Variants in KCNQ3 observed in about 807,000 individuals in gnomAD.
KCNQ3 encodes the protein potassium voltage-gated channel subfamily Q member 3, also known as potassium voltage-gated channel subfamily KQT member 3.
A neutral mutation model predicts 92.5 loss-of-function variants in KCNQ3; 30 were observed. The ratio of observed to expected loss-of-function variants is 0.32; its 90% CI spans 0.24 to 0.44. KCNQ3 has a LOEUF of 0.44. KCNQ3 is among the 20% of genes least tolerant of loss of function. The pLI is 1.00. For missense variants in KCNQ3, 913 were observed against 1,140.3 expected (o/e 0.80, Z 2.87); for synonymous variants, 450 against 468.8 (o/e 0.96, Z 0.52).
intron 1 of KCNQ3, among the ~76,000 whole-genome samples, chr8:132,190,615 T>G (rs145756923): frequency 6.6e-6 from 1 of 152,288 alleles, no homozygotes; most frequent in East Asian, 1.9e-4. Context: ...TCATGGGATA[T>G]TGGGGAGTCC....
At position 132,154,193 on chromosome 8, in the gene KCNQ3, G is replaced by GTT. The variant is rs869112851; in HGVS notation, c.1262+9273_1262+9274dup. 2.3e-3 allele frequency among the ~76,000 whole-genome samples: 62 copies of GTT among 27,476 alleles called. 5 individuals carry two copies. The highest frequency in any genetic ancestry group is 7.1e-3 in the East Asian group (6 of 844). 18.0% of individuals were successfully genotyped at this position (27,476 alleles called of 152,430 possible). A position where few individuals can be genotyped will look rare whatever the true frequency, so the allele number is the denominator to read the frequency against. Reference sequence around the variant, plus strand: ...CTGATGTACCATCAAAAGGGTAAAAGTTTTTTTTTTTTTTTTTTTTTTTTT... The same window carrying GTT: ...CTGATGTACCATCAAAAGGGTAAAAGTTTTTTTTTTTTTTTTTTTTTTTTTTT... On this transcript the variant is annotated intron_variant, in intron 9 of 14. Coordinates refer to ENST00000388996, the MANE Select transcript of KCNQ3 (RefSeq NM_004519.4).
intron 1 of KCNQ3, among the ~76,000 whole-genome samples, chr8:132,331,623 C>T (rs1337996442): frequency 6.6e-6 from 1 of 152,146 alleles, no homozygotes. Context: ...TCCTTGTTCT[C>T]TCAAAAAATA....
At chr8:132,428,918 T>C (rs1821177587) in intron 1 of KCNQ3, among the ~76,000 whole-genome samples, 1 of 151,952 alleles carries the variant, frequency 6.6e-6, no homozygotes, top group Admixed American at 6.6e-5. Flanking sequence ...ACATCACGTA[T>C]AATAAAGGTA....
Position 132,129,013 on chromosome 8 carries a change from C to G in KCNQ3, c.*249G>C, listed in dbSNP as rs1824759024. 1.8e-6 allele frequency: 1 copy of G among 562,330 alleles called. No individual in the cohort carries two copies. The highest frequency in any genetic ancestry group is 3.1e-5 in the Admixed American group (1 of 32,642). The allele number at this position is 562,330 out of a possible 1,614,324, so 34.8% of individuals were successfully genotyped here. ...TAAGAACAGCAGATAAATGTGTATCCTAGAAGAGATTAGCGGAACCATTTA... is the reference window on the plus strand; with the variant it reads ...TAAGAACAGCAGATAAATGTGTATCGTAGAAGAGATTAGCGGAACCATTTA... On this transcript the variant is annotated 3_prime_UTR_variant, in exon 15 of 15. Transcript: ENST00000388996. The surrounding 1 kb of genome is among the most constrained non-coding windows in gnomAD (Gnocchi z 5.9).
At chr8:132,164,933 G>A (rs774285930) in intron 8 of KCNQ3, among the ~76,000 whole-genome samples, 4 of 151,984 alleles carry the variant, frequency 2.6e-5, no homozygotes, top group Non-Finnish European at 2.9e-5. Context: ...TCCACTCACC[G>A]GACTTCTGTT....
At position 132,121,314 on chromosome 8, in the gene KCNQ3, G is replaced by A. The variant is rs994433584; in HGVS notation, c.*7948C>T. On this transcript the variant is annotated 3_prime_UTR_variant, in exon 15 of 15. Transcript: ENST00000388996. ...ATAGCCATATCCTATCTGAAGCAAGGCAGAGATCATTTTTCTCTTTAAAAC... is the reference window on the plus strand; with the variant it reads ...ATAGCCATATCCTATCTGAAGCAAGACAGAGATCATTTTTCTCTTTAAAAC... 1 of 152,190 alleles carries A rather than the reference G, an allele frequency of 6.6e-6. No individual in the cohort carries two copies. The highest frequency in any genetic ancestry group is 2.4e-5 in the African/African-American group (1 of 41,452). 9.4% of individuals were successfully genotyped at this position (152,190 alleles called of 1,614,324 possible). A position where few individuals can be genotyped will look rare whatever the true frequency, so the allele number is the denominator to read the frequency against.
At chr8:132,227,059 T>TA (rs1814447530) in intron 1 of KCNQ3, among the ~76,000 whole-genome samples, 4 of 88,412 alleles carry the variant, frequency 4.5e-5, no homozygotes, top group African/African-American at 2.2e-4. Flanking sequence ...CATATCTCAC[T>TA]CTTTTTTTTT....
intron 1 of KCNQ3, among the ~76,000 whole-genome samples, chr8:132,280,444 T>C (rs970001382): frequency 2.0e-5 from 3 of 151,978 alleles, no homozygotes; most frequent in Admixed American, 6.6e-5. Flanking sequence ...AAGAGAGAGA[T>C]AGAGTGGGTG....
chr8:132,135,741 T>C (rs1210095419), intron 12 of KCNQ3, among the ~76,000 whole-genome samples: 1 of 152,076 alleles, frequency 6.6e-6, no homozygotes, highest in African/African-American at 2.4e-5. Context: ...AAGCTCAAAA[T>C]TTGTTCACAC....
At position 132,263,100 on chromosome 8, in the gene KCNQ3, C is replaced by T. The variant is rs578236676; in HGVS notation, c.387-76919G>A. On this transcript the variant is annotated intron_variant, in intron 1 of 14. Coordinates refer to ENST00000388996, the MANE Select transcript of KCNQ3 (RefSeq NM_004519.4). ...ACCACTGCTCTGTAACTGTCTCCCA[C>T]TGAGCGCAATTAAGCTGGCGTCACA... 6.6e-5 allele frequency among the ~76,000 whole-genome samples: 10 copies of T among 152,218 alleles called. 1 individual carries two copies. The South Asian group carries it at 2.1e-3, about 32-fold the overall frequency.
rs1421901125 is a variant in KCNQ3, at chr8:132,186,194, A to T, written c.387-13T>A. On this transcript the variant is annotated splice_polypyrimidine_tract_variant and intron_variant, in intron 1 of 14. Transcript: ENST00000388996. ...GACAATCAGGAACCTAGAGGGGAAGAAAGAAATGGACTAAGGAACCTTTGA... is the reference window on the plus strand; with the variant it reads ...GACAATCAGGAACCTAGAGGGGAAGTAAGAAATGGACTAAGGAACCTTTGA... 1 of 1,592,456 alleles carries T rather than the reference A, an allele frequency of 6.3e-7. No homozygotes were observed. The highest frequency in any genetic ancestry group is 1.7e-5 in the Admixed American group (1 of 59,978).
rs369409969 is a variant in KCNQ3 at position 132,211,342 on chromosome 8, T to C, written c.387-25161A>G. Among the ~76,000 whole-genome samples the C allele has an allele frequency of 7.7e-4, 118 of 152,356 alleles. 1 individual carries two copies. In the Middle Eastern group the frequency reaches 0.02, roughly 26 times the overall value. On this transcript the variant is annotated intron_variant, in intron 1 of 14. Transcript: ENST00000388996. ...CTCAAGTTTTGTATTGTCTTTGAGC[T>C]ATTTTACAACTCTGTAAATTATAAA...
intron 1 of KCNQ3, among the ~76,000 whole-genome samples, chr8:132,224,269 A>G (rs1272447072): frequency 6.6e-6 from 1 of 151,854 alleles, no homozygotes; most frequent in Non-Finnish European, 1.5e-5. Flanking sequence ...TAATTTATTG[A>G]TTTAAAATTT....
At chr8:132,254,916 T>C (rs988496682) in intron 1 of KCNQ3, among the ~76,000 whole-genome samples, 2 of 152,120 alleles carry the variant, frequency 1.3e-5, no homozygotes, top group African/African-American at 4.8e-5. Flanking sequence ...TCAGCAATGG[T>C]GAAGTAAGGA....
intron 1 of KCNQ3, among the ~76,000 whole-genome samples, chr8:132,203,801 T>C (rs1827534368): frequency 6.6e-6 from 1 of 152,218 alleles, no homozygotes; most frequent in Non-Finnish European, 1.5e-5. Context: ...ATAAAATGTT[T>C]AGTCTAGTGC....
chr8:132,396,006 T>C (rs758998510), intron 1 of KCNQ3, among the ~76,000 whole-genome samples: 1 of 152,216 alleles, frequency 6.6e-6, no homozygotes, highest in Non-Finnish European at 1.5e-5. Context: ...TGGGTTACTA[T>C]TACCTAGTAC....
intron 9 of KCNQ3, among the ~76,000 whole-genome samples, chr8:132,148,889 C>A (rs1381833370): frequency 6.6e-6 from 1 of 152,194 alleles, no homozygotes; most frequent in African/African-American, 2.4e-5. Context: ...TCCTGGTGTT[C>A]CAGCTTGCGG....
At chr8:132,339,375 A>G (rs1289851970) in intron 1 of KCNQ3, among the ~76,000 whole-genome samples, 2 of 152,172 alleles carry the variant, frequency 1.3e-5, no homozygotes, top group African/African-American at 2.4e-5. Flanking sequence ...TCAAAAATCT[A>G]AATTATACAA....
intron 1 of KCNQ3, chr8:132,186,463 T>G (rs1826960244): frequency 2.4e-6 from 1 of 408,538 alleles, no homozygotes; most frequent in Non-Finnish European, 4.7e-6. Context: ...AACTAGATCA[T>G]CTGGTTCCAA....
Sources: gnomAD v4.1 joint callset for allele counts (sites outside exome capture counted in the v4.1 genomes callset) on GRCh38, gnomAD v4.1.1 for gene constraint, Gnocchi (gnomAD v3.1) non-coding constraint, MANE v1.5 for transcripts, NCBI Gene and HGNC (gene_info 2026-07-23, HGNC 2026-07-21) for gene names.